DENND4C: variants seen among roughly 807,000 people sequenced by gnomAD.
DENND4C encodes the protein DENN domain containing 4C.
In DENND4C, 108 loss-of-function variants were observed where a neutral mutation model predicts 203.0. The observed-to-expected ratio is 0.53, with a 90% CI of 0.46 to 0.62. The LOEUF (loss-of-function observed/expected upper bound fraction) is 0.62. DENND4C is among the 20% of genes least tolerant of loss of function. The probability of loss-of-function intolerance (pLI) is 0.00; values close to 1 mark genes in which losing one functional copy is unlikely to be tolerated. For missense variants in DENND4C, 2,481 were observed against 2,301.2 expected (o/e 1.08, Z -1.60); for synonymous variants, 871 against 792.4 (o/e 1.10, Z -1.67).
At chr9:19,299,429 C>T (rs1838105518) in intron 8 of DENND4C, 142 bp downstream of exon 8, 1 of 548,068 alleles carries the variant, frequency 1.8e-6, no homozygotes, top group Non-Finnish European at 2.9e-6. Flanking sequence ...GCAAAAATAG[C>T]CTTAATGTTT....
intron 2 of DENND4C, among the ~76,000 whole-genome samples, chr9:19,284,279 G>A (rs1834762910): frequency 6.6e-6 from 1 of 152,116 alleles, no homozygotes; most frequent in Non-Finnish European, 1.5e-5. Context: ...CTCTGTATCT[G>A]AATATAAGAT....
intron 2 of DENND4C, among the ~76,000 whole-genome samples, chr9:19,278,074 C>CTTTTTTTTTTTTTT (rs34167347): frequency 8.3e-6 from 1 of 120,300 alleles, no homozygotes; most frequent in Non-Finnish European, 1.8e-5. Flanking sequence ...CCTTTTTTTT[C>CTTTTTTTTTTTTTT]TTTTTTTTTT....
At position 19,350,785 on chromosome 9, in the gene DENND4C, C is replaced by T. The variant is rs774401057; in HGVS notation, c.4401C>T (p.Ile1467=). ...LGENISPNTS[I]SGLVPSELTQ... ...AGAATATATCGCCTAACACAAGTAT[C>T]TCAGGGTTGGTCCCCAGTGAACTTA... is the stretch of plus-strand genomic sequence containing the variant. The change falls in exon 24 of 33, where the codon ATC becomes ATT. Residue 1467 remains isoleucine, a synonymous_variant. Transcript: ENST00000434457. The T allele has an allele frequency of 3.7e-6, 6 of 1,613,884 alleles. No homozygotes were observed. Among genetic ancestry groups the T allele is most frequent in the Non-Finnish European group, 5.1e-6 (6 of 1,180,004 alleles).
chr9:19,238,575 CTCT>C (rs1564074739), intron 1 of DENND4C, among the ~76,000 whole-genome samples: 1 of 1,790 alleles, frequency 5.6e-4, no homozygotes, highest in African/African-American at 1.8e-3. Context: ...TCCCCTCCCC[CTCT>C]CCTCCCCTCC....
chr9:19,240,210 A>G (rs1197903850), intron 1 of DENND4C, among the ~76,000 whole-genome samples: 2 of 152,152 alleles, frequency 1.3e-5, no homozygotes, highest in Non-Finnish European at 2.9e-5. Context: ...ACATGATCCT[A>G]GATGGTGTAG....
At chr9:19,316,370 G>A in intron 10 of DENND4C, 47 bp from the exon 11 acceptor site, 1 of 1,500,760 alleles carries the variant, frequency 6.7e-7, no homozygotes, top group Non-Finnish European at 9.1e-7. Context: ...TCTAGTAAAA[G>A]CAGATTATGA....
rs894833500 is a variant in DENND4C, at chr9:19,230,818, G to A, written c.-33G>A. On this transcript the variant is annotated 5_prime_UTR_variant, in exon 1 of 33. Transcript: ENST00000434457. The stretch of plus-strand genomic sequence containing the variant: ...AAGCCGTGTCGGGGCTGCGCTGACA[G>A]AGGAGCAGGCAGCAGGTGAGGCTGC... 6.6e-6 allele frequency: 1 copy of A among 152,538 alleles called. No homozygotes were observed. The highest frequency in any genetic ancestry group is 1.5e-5 in the Non-Finnish European group (1 of 68,284). 9.4% of individuals were successfully genotyped at this position (152,538 alleles called of 1,614,324 possible). A position where few individuals can be genotyped will look rare whatever the true frequency, so the allele number is the denominator to read the frequency against.
At chr9:19,298,685 C>T (rs556503850) in intron 7 of DENND4C, among the ~76,000 whole-genome samples, 6 of 152,100 alleles carry the variant, frequency 3.9e-5, no homozygotes, top group Admixed American at 6.6e-5. Flanking sequence ...ATGGTTTGCT[C>T]TTCATTTATA....
chr9:19,338,505 C>T (rs998065496), intron 20 of DENND4C, among the ~76,000 whole-genome samples: 3 of 152,068 alleles, frequency 2.0e-5, no homozygotes, highest in African/African-American at 7.2e-5. Flanking sequence ...TTCAAATGAC[C>T]GAATGCCACA....
intron 1 of DENND4C, among the ~76,000 whole-genome samples, chr9:19,240,139 C>T (rs1253541228): frequency 6.6e-6 from 1 of 152,066 alleles, no homozygotes; most frequent in Non-Finnish European, 1.5e-5. Context: ...TAGGGGGATA[C>T]ATTCTGAGGA....
chr9:19,244,875 T>G (rs1053402003), intron 1 of DENND4C, among the ~76,000 whole-genome samples: 1 of 152,214 alleles, frequency 6.6e-6, no homozygotes, highest in African/African-American at 2.4e-5. Context: ...GGGATAATGC[T>G]AGACCTCCCT....
intron 10 of DENND4C, among the ~76,000 whole-genome samples, chr9:19,308,671 A>G (rs1840162757): frequency 6.6e-6 from 1 of 152,140 alleles, no homozygotes; most frequent in Admixed American, 6.5e-5. Context: ...TTAATTTATC[A>G]AATTTATTAA....
rs928785913 is a variant in DENND4C at position 19,300,431 on chromosome 9, A to G, written c.1311+100A>G. The G allele has an allele frequency of 4.2e-6, 5 of 1,183,384 alleles. No homozygotes were observed. The African/African-American group carries it at 4.7e-5, about 11-fold the overall frequency. 73.3% of individuals were successfully genotyped at this position (1,183,384 alleles called of 1,614,324 possible). A position where few individuals can be genotyped will look rare whatever the true frequency, so the allele number is the denominator to read the frequency against. ...ACAGCAACTTTGTAAACAACAACAA[A>G]TTTAAAAAAAGGAACTTTGAAAAAT... On this transcript the variant is annotated intron_variant, in intron 9 of 32. Transcript: ENST00000434457.
intron 30 of DENND4C, among the ~76,000 whole-genome samples, chr9:19,364,413 G>A (rs1234912050): frequency 2.0e-5 from 3 of 152,182 alleles, no homozygotes; most frequent in East Asian, 3.9e-4. Flanking sequence ...ATTGCAGTTC[G>A]AGAACTCTGT....
At chr9:19,347,196 G>A in intron 23 of DENND4C, 110 bp downstream of exon 23, 2 of 1,145,984 alleles carry the variant, frequency 1.7e-6, no homozygotes, top group South Asian at 3.3e-5. Context: ...CTGGAGTACA[G>A]TGGCATGATT....
chr9:19,340,370 C>G (rs1219328477), intron 20 of DENND4C, among the ~76,000 whole-genome samples: 1 of 152,134 alleles, frequency 6.6e-6, no homozygotes, highest in Non-Finnish European at 1.5e-5. Context: ...ATTAGTCCTC[C>G]CCTGGCCCTT....
chr9:19,318,433 A>C lies in DENND4C; in HGVS notation c.1807+1594A>C, dbSNP rs538111914. Among the ~76,000 whole-genome samples the C allele has an allele frequency of 2.2e-4, 33 of 152,340 alleles. 2 individuals are homozygous for C. The highest frequency in any genetic ancestry group is 5.2e-4 in the Admixed American group (8 of 15,290). On this transcript the variant is annotated intron_variant, in intron 12 of 32. Transcript: ENST00000434457. ...TAAATGAGAAAATATATGTGAAGCA[A>C]TTGTGCTAGTACAAGTACTTTAAAA...
Position 19,346,076 on chromosome 9 carries a change from G to C in DENND4C, c.3307G>C (p.Gly1103Arg). The C allele has an allele frequency of 6.2e-7, 1 of 1,614,214 alleles. No individual in the cohort carries two copies. The highest frequency in any genetic ancestry group is 8.5e-7 in the Non-Finnish European group (1 of 1,180,040). The stretch of plus-strand genomic sequence containing the variant: ...TAGTTTTAGTTCTGAAAGTCGAGCA[G>C]GAATGTTGCTTAAGAAGAGTAGTTT... Reference protein sequence around the residue: ...SCSFSSESRAGMLLKKSSLDS... With the variant: ...SCSFSSESRARMLLKKSSLDS... The change falls in exon 23 of 33, where the codon GGA (glycine) becomes CGA (arginine). Residue 1103 changes from glycine to arginine, a missense_variant. Coordinates refer to ENST00000434457, the MANE Select transcript of DENND4C (RefSeq NM_001330640.2).
intron 16 of DENND4C, 38 bp from the exon 17 acceptor site, chr9:19,331,940 A>C: frequency 6.4e-7 from 1 of 1,551,482 alleles, no homozygotes; most frequent in Non-Finnish European, 8.8e-7. Flanking sequence ...ACCCTAATGA[A>C]TTTTAGTAAA....
Sources: allele counts gnomAD v4.1 joint callset (sites outside exome capture counted in the v4.1 genomes callset), GRCh38; gene constraint gnomAD v4.1.1; transcripts MANE v1.5; gene names NCBI Gene and HGNC (gene_info 2026-07-23, HGNC 2026-07-21).